The following ZBTB7C variants were observed in gnomAD, a reference collection of about 807,000 sequenced individuals.
ZBTB7C encodes zinc finger and BTB domain containing 7C, also known as zinc finger and BTB domain-containing protein 7C.
Under a neutral mutation model 25.7 loss-of-function variants are expected in ZBTB7C, and 8 were observed. The observed-to-expected ratio is 0.31, with a 90% confidence interval of 0.18 to 0.56. The LOEUF (loss-of-function observed/expected upper bound fraction) is 0.56, where lower values mean the gene tolerates loss of function less well. Ranked by LOEUF, ZBTB7C falls within the 20% of genes least tolerant of loss-of-function variation. The pLI is 0.91. For missense variants in ZBTB7C, 824 were observed against 855.2 expected (o/e 0.96, Z 0.46); for synonymous variants, 394 against 369.0 (o/e 1.07, Z -0.78).
intron 3 of ZBTB7C, among the ~76,000 whole-genome samples, chr18:48,144,967 T>A (rs2040456354): frequency 6.6e-6 from 1 of 152,168 alleles, no homozygotes; most frequent in Admixed American, 6.5e-5. Flanking sequence ...GGGCTCTTTT[T>A]CAGTAGAGAT....
At chr18:48,301,014 AG>A (rs769845426) in intron 2 of ZBTB7C, among the ~76,000 whole-genome samples, 8 of 152,240 alleles carry the variant, frequency 5.3e-5, no homozygotes, top group Non-Finnish European at 1.0e-4. Flanking sequence ...CTGAGGACTC[AG>A]TAAGGTTGAG....
At chr18:48,342,789 C>A (rs2046634784) in intron 1 of ZBTB7C, among the ~76,000 whole-genome samples, 1 of 152,020 alleles carries the variant, frequency 6.6e-6, no homozygotes, top group Admixed American at 6.6e-5. Flanking sequence ...AGTGGCTACC[C>A]CTGGGGAGTG....
At chr18:48,308,218 C>T (rs1482585855) in intron 2 of ZBTB7C, among the ~76,000 whole-genome samples, 1 of 152,196 alleles carries the variant, frequency 6.6e-6, no homozygotes, top group Non-Finnish European at 1.5e-5. Flanking sequence ...TTGAACCAGT[C>T]TGACCAGTGC....
chr18:48,410,674 C>T (rs1196716911), upstream of ZBTB7C: 1 of 152,640 alleles, frequency 6.6e-6, no homozygotes, highest in Non-Finnish European at 1.5e-5. Context: ...GGCTTTGCCT[C>T]CTACCTTTTT....
chr18:48,315,852 C>A (rs2045935768), intron 2 of ZBTB7C, among the ~76,000 whole-genome samples: 1 of 152,216 alleles, frequency 6.6e-6, no homozygotes, highest in African/African-American at 2.4e-5. Flanking sequence ...CATAACTCAA[C>A]TGGAAAGATG....
At chr18:48,380,152 A>G (rs1021102928) in intron 1 of ZBTB7C, among the ~76,000 whole-genome samples, 1 of 152,220 alleles carries the variant, frequency 6.6e-6, no homozygotes, top group Non-Finnish European at 1.5e-5. Flanking sequence ...TTAGAAATAT[A>G]TGAAACAAGC....
In ZBTB7C at chr18:48,092,428, G is replaced by A. The variant is rs182471117; in HGVS notation, c.-16-51305C>T. On this transcript the variant is annotated intron_variant, in intron 3 of 4. Coordinates refer to ENST00000590800, the MANE Select transcript of ZBTB7C (RefSeq NM_001318841.2). The stretch of plus-strand genomic sequence containing the variant: ...AAATATCATGTAAACTGATGAAATC[G>A]AAGTACAAAAAGAAAGCAAGTTGAA... Among the ~76,000 whole-genome samples, 304 of 152,292 alleles carry A rather than the reference G, an allele frequency of 2.0e-3. 1 individual carries two copies. Among genetic ancestry groups the A allele is most frequent in the African/African-American group, 7.0e-3 (290 of 41,560 alleles).
chr18:48,060,765 G>A (rs2037097031), intron 3 of ZBTB7C, among the ~76,000 whole-genome samples: 1 of 152,292 alleles, frequency 6.6e-6, no homozygotes, highest in African/African-American at 2.4e-5. Flanking sequence ...ACATGGAGAT[G>A]TAAGTGGAAA....
intron 3 of ZBTB7C, among the ~76,000 whole-genome samples, chr18:48,118,002 T>TTC (rs1491339913): frequency 4.8e-5 from 5 of 103,320 alleles, no homozygotes; most frequent in African/African-American, 2.5e-4. Flanking sequence ...CTTCTTCTTC[T>TTC]TTTTTTTTTT....
intron 3 of ZBTB7C, among the ~76,000 whole-genome samples, chr18:48,078,506 C>T (rs62086131): frequency 6.4e-4 from 97 of 152,278 alleles, no homozygotes; most frequent in Non-Finnish European, 1.0e-3. Context: ...TTGAGGGCAT[C>T]GGTGCAGCAG....
intron 3 of ZBTB7C, among the ~76,000 whole-genome samples, chr18:48,115,668 A>G (rs1232088864): frequency 1.3e-5 from 2 of 152,206 alleles, no homozygotes; most frequent in Non-Finnish European, 2.9e-5. Context: ...GCTGCGATGA[A>G]CATTCGTATA....
At chr18:48,277,027 TA>T (rs1237238558) in intron 2 of ZBTB7C, among the ~76,000 whole-genome samples, 2 of 151,980 alleles carry the variant, frequency 1.3e-5, no homozygotes, top group African/African-American at 4.8e-5. Flanking sequence ...ACGTTAGACC[TA>T]AAACCATAAA....
Position 48,329,425 on chromosome 18 carries a change from G to T in ZBTB7C, c.-79+8749C>A, listed in dbSNP as rs529442186. 1.0e-3 allele frequency among the ~76,000 whole-genome samples: 157 copies of T among 152,290 alleles called. 1 individual carries two copies. Among genetic ancestry groups the T allele is most frequent in the African/African-American group, 3.6e-3 (151 of 41,558 alleles). On this transcript the variant is annotated intron_variant, in intron 2 of 4. Transcript: ENST00000590800. ...ACAGGCAGAGCTAGGCGCTGCTGTT[G>T]CCCCCATGCCACACTCTGCTGAGGG...
intron 1 of ZBTB7C, among the ~76,000 whole-genome samples, chr18:48,351,463 C>T (rs1388845981): frequency 6.6e-6 from 1 of 152,164 alleles, no homozygotes; most frequent in Admixed American, 6.5e-5. Flanking sequence ...GGCTTGCAAG[C>T]CAACTGGTTT....
chr18:48,363,453 A>C (rs746041283), intron 1 of ZBTB7C, among the ~76,000 whole-genome samples: 2 of 152,130 alleles, frequency 1.3e-5, no homozygotes, highest in Non-Finnish European at 2.9e-5. Context: ...TATTAAAGAA[A>C]ATACCCCACA....
At chr18:48,398,872 A>G (rs1474100652) in intron 1 of ZBTB7C, among the ~76,000 whole-genome samples, 1 of 152,212 alleles carries the variant, frequency 6.6e-6, no homozygotes, top group Non-Finnish European at 1.5e-5. Context: ...TCCTTAAACA[A>G]TTAAGCAATT....
intron 2 of ZBTB7C, among the ~76,000 whole-genome samples, chr18:48,209,431 T>A (rs983611073): frequency 3.9e-5 from 6 of 152,168 alleles, no homozygotes; most frequent in African/African-American, 1.4e-4. Flanking sequence ...GACACAAAGT[T>A]ACCAAAAGTC....
intron 3 of ZBTB7C, among the ~76,000 whole-genome samples, chr18:48,174,063 C>T (rs1460569804): frequency 1.3e-5 from 2 of 152,238 alleles, no homozygotes; most frequent in Non-Finnish European, 2.9e-5. Flanking sequence ...TACGTTTCCA[C>T]ATGGGTGAAT....
intron 3 of ZBTB7C, among the ~76,000 whole-genome samples, chr18:48,126,751 G>A (rs911573138): frequency 6.6e-6 from 1 of 152,168 alleles, no homozygotes; most frequent in African/African-American, 2.4e-5. Flanking sequence ...TCTTCAACCT[G>A]GTAGGGGCAA....
Sources: gnomAD v4.1 joint callset for allele counts (sites outside exome capture counted in the v4.1 genomes callset) on GRCh38, gnomAD v4.1.1 for gene constraint, MANE v1.5 for transcripts, NCBI Gene and HGNC (gene_info 2026-07-23, HGNC 2026-07-21) for gene names.